The following KMT2A variants were observed in gnomAD, a reference collection of about 807,000 sequenced individuals.
KMT2A encodes histone-lysine N-methyltransferase 2A.
Under a neutral mutation model 345.3 loss-of-function variants are expected in KMT2A, and 16 were observed. That is an observed-to-expected ratio of 0.05 (90% CI 0.03 to 0.07). The LOEUF (loss-of-function observed/expected upper bound fraction) is 0.07. Ranked by LOEUF, KMT2A falls within the 10% of genes least tolerant of loss-of-function variation. The pLI is 1.00. For missense variants in KMT2A, 3,272 were observed against 4,841.6 expected (o/e 0.68, Z 9.62); for synonymous variants, 1,599 against 1,778.6 (o/e 0.90, Z 2.54).
rs782498012 is a variant in KMT2A at position 118,484,209 on chromosome 11, G to C, written c.4113G>C (p.Gln1371His). ...EKEKPPPVNK[Q>H]ENAGTLNILS... ...AAAAACCACCTCCGGTCAATAAGCA[G>C]GAGAATGCAGGCACTTTGAACATCC... is the stretch of plus-strand genomic sequence containing the variant. Residue 1371 changes from glutamine (Q) to histidine (H), a missense_variant, in exon 9 of 36, where the codon CAG (glutamine) becomes CAC (histidine). Physicochemically the swap from Gln to His is conservative, Grantham distance 24. Coordinates refer to ENST00000534358, the MANE Select transcript of KMT2A (RefSeq NM_001197104.2). This position sits in a 1 kb window ranked among gnomAD's most constrained non-coding sequence, Gnocchi z 4.1. 2 of 1,614,052 alleles carry C rather than the reference G, an allele frequency of 1.2e-6. No individual in the cohort carries two copies. Among genetic ancestry groups the C allele is most frequent in the Non-Finnish European group, 1.7e-6 (2 of 1,180,022 alleles).
chr11:118,459,316 C>T (rs1949703610), intron 1 of KMT2A, among the ~76,000 whole-genome samples: 2 of 152,162 alleles, frequency 1.3e-5, no homozygotes, highest in African/African-American at 2.4e-5. Flanking sequence ...ATCCATCCAT[C>T]TCAGCCTCCC....
At position 118,497,082 on chromosome 11, in the gene KMT2A, A is replaced by G. The variant is rs1329099164; in HGVS notation, c.5664+715A>G. On this transcript the variant is annotated intron_variant, in intron 20 of 35. Coordinates refer to ENST00000534358, the MANE Select transcript of KMT2A (RefSeq NM_001197104.2). This position sits in a 1 kb window ranked among gnomAD's most constrained non-coding sequence, Gnocchi z 4.8. ...TGCAATGGCGTGATCTCGGCTCACT[A>G]CAACCTCCGCCTCCTATGTTCAAGC... Among the ~76,000 whole-genome samples, 1 of 151,818 alleles carries G rather than the reference A, an allele frequency of 6.6e-6. No homozygotes were observed. The highest frequency in any genetic ancestry group is 2.4e-5 in the African/African-American group (1 of 41,318).
In KMT2A at chr11:118,520,089, A is replaced by G; in HGVS notation, c.11429+25A>G. The stretch of plus-strand genomic sequence containing the variant: ...GGTAAGTCTTGAGTGGGGAGCAGTC[A>G]TTAGAAACTGCTTTCCCTCTCCTCC... On this transcript the variant is annotated intron_variant, in intron 33 of 35. Transcript: ENST00000534358. The surrounding 1 kb of genome is among the most constrained non-coding windows in gnomAD (Gnocchi z 4.3). 1 of 1,471,442 alleles carries G rather than the reference A, an allele frequency of 6.8e-7. No homozygotes were observed. The highest frequency in any genetic ancestry group is 1.1e-5 in the South Asian group (1 of 87,088). The allele number at this position is 1,471,442 out of a possible 1,614,324, so 91.1% of individuals were successfully genotyped here.
At chr11:118,489,989 A>C in intron 12 of KMT2A, 102 bp downstream of exon 12, 1 of 1,424,224 alleles carries the variant, frequency 7.0e-7, no homozygotes, top group Non-Finnish European at 9.8e-7. Flanking sequence ...TGTCAGTATG[A>C]CAATCTTTTT....
intron 27 of KMT2A, 115 bp downstream of exon 27, chr11:118,506,761 G>T: frequency 1.8e-6 from 2 of 1,121,262 alleles, no homozygotes; most frequent in Non-Finnish European, 2.5e-6. Context: ...GCATTACCTG[G>T]GAGTTTTCCG....
Position 118,510,210 on chromosome 11 carries a change from T to C in KMT2A, c.11071+92T>C, listed in dbSNP as rs1305224178. 5.8e-6 allele frequency: 6 copies of C among 1,028,750 alleles called. No individual in the cohort carries two copies. Among genetic ancestry groups the C allele is most frequent in the Admixed American group, 2.4e-5 (1 of 41,418 alleles). 63.7% of individuals were successfully genotyped at this position (1,028,750 alleles called of 1,614,324 possible). ...AGTATTAGCACCATTTAGGTGGCTG[T>C]TTTATGCTAGATGGTAGGGGGATAC... On this transcript the variant is annotated intron_variant, in intron 30 of 35. Transcript: ENST00000534358. The surrounding 1 kb of genome is among the most constrained non-coding windows in gnomAD (Gnocchi z 4.1).
intron 31 of KMT2A, among the ~76,000 whole-genome samples, chr11:118,514,698 A>C (rs1950771175): frequency 6.6e-6 from 1 of 151,848 alleles, no homozygotes; most frequent in Non-Finnish European, 1.5e-5. Context: ...CAATGGCGCA[A>C]TCTCGGTTCA....
In KMT2A at chr11:118,495,452, C is replaced by T. The variant is rs1049325620; in HGVS notation, c.5364-248C>T. Among the ~76,000 whole-genome samples the T allele has an allele frequency of 2.6e-5, 4 of 152,116 alleles. No homozygotes were observed. The highest frequency in any genetic ancestry group is 4.8e-5 in the African/African-American group (2 of 41,424). On this transcript the variant is annotated intron_variant, in intron 18 of 35. Coordinates refer to ENST00000534358, the MANE Select transcript of KMT2A (RefSeq NM_001197104.2). This position sits in a 1 kb window ranked among gnomAD's most constrained non-coding sequence, Gnocchi z 4.1. ...GATTACAGGCATGAGCCACCATGCCCGGCCTCTTTTGAGTTTTTGATAGGG... is the reference window on the plus strand; with the variant it reads ...GATTACAGGCATGAGCCACCATGCCTGGCCTCTTTTGAGTTTTTGATAGGG...
chr11:118,468,657 A>G, intron 1 of KMT2A, 118 bp from the exon 2 acceptor site: 1 of 726,620 alleles, frequency 1.4e-6, no homozygotes, highest in South Asian at 1.4e-5. Context: ...AATGATGATA[A>G]TTAATATATA....
rs1229817744 is a variant in KMT2A, at chr11:118,522,053, A to G, written c.11800A>G (p.Met3934Val). ...GCAGAAGCACATTGTCATCTTTGCC[A>G]TGCGTAAGATCTACCGAGGAGAGGA... ...DGQKHIVIFA[M>V]RKIYRGEELT... The change falls in exon 36 of 36, where the codon ATG becomes GTG. Residue 3934 changes from methionine to valine, a missense_variant. Around this residue, in one of 27 missense-constraint regions of KMT2A, gnomAD observed 78 missense variants for 254.5 expected, o/e 0.31. Transcript: ENST00000534358. The surrounding 1 kb of genome is among the most constrained non-coding windows in gnomAD (Gnocchi z 5.4). 19 of 1,614,102 alleles carry G rather than the reference A, an allele frequency of 1.2e-5. No individual in the cohort carries two copies. Among genetic ancestry groups the G allele is most frequent in the Non-Finnish European group, 1.6e-5 (19 of 1,180,048 alleles).
In KMT2A at chr11:118,520,659, A is replaced by G; in HGVS notation, c.11430-143A>G. 1.6e-6 allele frequency: 1 copy of G among 632,026 alleles called. No homozygotes were observed. The highest frequency in any genetic ancestry group is 2.8e-6 in the Non-Finnish European group (1 of 354,036). The allele number at this position is 632,026 out of a possible 1,614,324, so 39.2% of individuals were successfully genotyped here. ...GAGCGAAACTCCATCTCAAAAAAAA[A>G]AGGGGGGCGCTCATTTTATAAGGCA... On this transcript the variant is annotated intron_variant, in intron 33 of 35. Coordinates refer to ENST00000534358, the MANE Select transcript of KMT2A (RefSeq NM_001197104.2). The surrounding 1 kb of genome is among the most constrained non-coding windows in gnomAD (Gnocchi z 4.3).
chr11:118,477,082 T>C (rs1555037735), intron 4 of KMT2A, 100 bp downstream of exon 4: 9 of 1,107,400 alleles, frequency 8.1e-6, no homozygotes, highest in East Asian at 4.8e-5. Flanking sequence ...TAGTAGGTCC[T>C]CTGAAAAACA....
In KMT2A at chr11:118,471,670, A is replaced by C; in HGVS notation, c.511A>C (p.Ser171Arg). Residue 171 changes from serine (S) to arginine (R), a missense_variant, in exon 3 of 36, where the codon AGT becomes CGT. Transcript: ENST00000534358. ...TTAATTTCTATACACAGTTAAAACT[A>C]GTCCTCGAAAACCTCGTGGGAGACC... ...SPTRSPSVKT[S>R]PRKPRGRPRS... The C allele has an allele frequency of 6.3e-7, 1 of 1,577,794 alleles. No homozygotes were observed. The highest frequency in any genetic ancestry group is 8.6e-7 in the Non-Finnish European group (1 of 1,167,672).
chr11:118,473,478 G>A lies in KMT2A; in HGVS notation c.2319G>A (p.Pro773=), dbSNP rs147308365. 3.8e-5 allele frequency: 61 copies of A among 1,613,918 alleles called. No homozygotes were observed. Among genetic ancestry groups the A allele is most frequent in the African/African-American group, 6.7e-5 (5 of 74,914 alleles). Residue 773 remains proline (P), a synonymous_variant, in exon 3 of 36, where the codon CCG becomes CCA. Transcript: ENST00000534358. The surrounding 1 kb of genome is among the most constrained non-coding windows in gnomAD (Gnocchi z 5.2). The part of the protein sequence containing the change: ...SSSELSPLTP[P]SSVSSSLSIS... Reference sequence around the variant, plus strand: ...CTGAGCTCTCACCTCTCACCCCCCCGTCTTCTGTCTCTTCCTCGTTAAGCA... The same window carrying A: ...CTGAGCTCTCACCTCTCACCCCCCCATCTTCTGTCTCTTCCTCGTTAAGCA...
At chr11:118,464,350 A>C (rs1949801783) in intron 1 of KMT2A, among the ~76,000 whole-genome samples, 1 of 152,192 alleles carries the variant, frequency 6.6e-6, no homozygotes, top group African/African-American at 2.4e-5. Flanking sequence ...AGCCTGGCCA[A>C]CATGACGAAA....
rs1555040491 is a variant in KMT2A at position 118,484,990 on chromosome 11, T to C, written c.4332+15T>C. ...GGCATGTAGAGGTAAGGCATCCTGC[T>C]TCTTTGTACCCCAGGAAGTACATAA... On this transcript the variant is annotated intron_variant, in intron 10 of 35. Transcript: ENST00000534358. The surrounding 1 kb of genome is among the most constrained non-coding windows in gnomAD (Gnocchi z 4.1). The C allele has an allele frequency of 7.1e-7, 1 of 1,400,540 alleles. No individual in the cohort carries two copies. Among genetic ancestry groups the C allele is most frequent in the Admixed American group, 1.7e-5 (1 of 59,420 alleles). The allele number at this position is 1,400,540 out of a possible 1,614,324, so 86.8% of individuals were successfully genotyped here. A position where few individuals can be genotyped will look rare whatever the true frequency, so the allele number is the denominator to read the frequency against.
intron 27 of KMT2A, 127 bp downstream of exon 27, chr11:118,506,773 GT>G: frequency 1.0e-6 from 1 of 1,003,870 alleles, no homozygotes. Flanking sequence ...AGTTTTCCGG[GT>G]TTTGACTTTT....
At position 118,494,147 on chromosome 11, in the gene KMT2A, A is replaced by G. The variant is rs1440599468; in HGVS notation, c.5179-141A>G. The G allele has an allele frequency of 2.4e-5, 13 of 549,128 alleles. No individual in the cohort carries two copies. Among genetic ancestry groups the G allele is most frequent in the Admixed American group, 2.0e-4 (6 of 29,818 alleles). 34.0% of individuals were successfully genotyped at this position (549,128 alleles called of 1,614,324 possible). A position where few individuals can be genotyped will look rare whatever the true frequency, so the allele number is the denominator to read the frequency against. On this transcript the variant is annotated intron_variant, in intron 16 of 35. Transcript: ENST00000534358. This position sits in a 1 kb window ranked among gnomAD's most constrained non-coding sequence, Gnocchi z 5.8. ...TCGTGAATTGAATCTCAAAGGTCTC[A>G]GCCAAAGAGTATTATACCACATTAA...
Position 118,472,752 on chromosome 11 carries a change from T to C in KMT2A, c.1593T>C (p.Tyr531=). ...GTAATGATAGGAGAAGCAGAAGGTA[T>C]TCAGTGTCGGAGAGAAGTTTTGGAT... is the stretch of plus-strand genomic sequence containing the variant. ...NESNDRRSRR[Y]SVSERSFGSR... Residue 531 remains tyrosine, a synonymous_variant, in exon 3 of 36, where the codon TAT becomes TAC. Coordinates refer to ENST00000534358, the MANE Select transcript of KMT2A (RefSeq NM_001197104.2). The C allele has an allele frequency of 6.2e-7, 1 of 1,613,636 alleles. No individual in the cohort carries two copies. Among genetic ancestry groups the C allele is most frequent in the Non-Finnish European group, 8.5e-7 (1 of 1,179,964 alleles).
Sources: allele counts gnomAD v4.1 joint callset (sites outside exome capture counted in the v4.1 genomes callset), GRCh38; gene constraint gnomAD v4.1.1; regional missense constraint gnomAD v4.1.1; non-coding constraint Gnocchi (gnomAD v3.1); transcripts MANE v1.5; gene names NCBI Gene and HGNC (gene_info 2026-07-23, HGNC 2026-07-21).